Variants in RPL3L observed in about 807,000 individuals in gnomAD.
RPL3L encodes ribosomal protein L3 like.
A neutral mutation model predicts 44.5 loss-of-function variants in RPL3L; 44 were observed. The ratio of observed to expected loss-of-function variants is 0.99; its 90% CI spans 0.78 to 1.27. RPL3L has a LOEUF of 1.27. Ranked by LOEUF, RPL3L falls within the 50% of genes most tolerant of loss-of-function variation. The pLI is 0.00. For synonymous variants in RPL3L, 292 were observed against 230.7 expected, an observed-to-expected ratio of 1.27 and a Z score of -2.41; for missense variants, 631 against 569.1, an observed-to-expected ratio of 1.11 and a Z score of -1.11.
Position 1,954,160 on chromosome 16 carries a change from G to A in RPL3L, c.4-12C>T. 1 of 1,559,440 alleles carries A rather than the reference G, an allele frequency of 6.4e-7. No homozygotes were observed. ...AACTTCCGGTGGGACTGGGGGGCAG[G>A]AAGGAAGGAGGTCAGACCTGGGGTG... On this transcript the variant is annotated splice_polypyrimidine_tract_variant and intron_variant, in intron 1 of 9. Coordinates refer to ENST00000268661, the MANE Select transcript of RPL3L (RefSeq NM_005061.3).
rs764717997 is a variant in RPL3L at position 1,944,797 on chromosome 16, A to G, written c.*40T>C. The G allele has an allele frequency of 1.2e-6, 2 of 1,613,442 alleles. No homozygotes were observed. Among genetic ancestry groups the G allele is most frequent in the Non-Finnish European group, 1.7e-6 (2 of 1,179,514 alleles). ...CGGCCTTTGTTAGACATTGGGGCAG[A>G]CAGTGCGGTGCGCTTCAGGGTTCAT... is the stretch of plus-strand genomic sequence containing the variant. On this transcript the variant is annotated 3_prime_UTR_variant, in exon 10 of 10. Coordinates refer to ENST00000268661, the MANE Select transcript of RPL3L (RefSeq NM_005061.3).
At chr16:1,953,711 C>T (rs982884257) in intron 2 of RPL3L, among the ~76,000 whole-genome samples, 11 of 152,212 alleles carry the variant, frequency 7.2e-5, no homozygotes, top group African/African-American at 1.9e-4. Flanking sequence ...CTGCGCTTAC[C>T]GCCCCGGTGA....
At chr16:1,947,408 A>G in intron 4 of RPL3L, 28 bp from the exon 5 acceptor site, 8 of 1,518,286 alleles carry the variant, frequency 5.3e-6, no homozygotes, top group Non-Finnish European at 7.0e-6. Flanking sequence ...AGGTCACGCC[A>G]CGGCCCACGG....
intron 3 of RPL3L, 93 bp from the exon 4 acceptor site, chr16:1,951,072 A>G (rs2083169053): frequency 1.3e-6 from 2 of 1,521,004 alleles, no homozygotes; most frequent in Non-Finnish European, 1.8e-6. Context: ...CCCACCAAGC[A>G]GGGGTCCTAC....
chr16:1,954,684 T>A lies in RPL3L; in HGVS notation c.-53A>T, dbSNP rs568165624. Reference sequence around the variant, plus strand: ...GGGCCTCGCCGCTAGCCGCCAGAGGTCGAGTGGCAGGGCCAGGACTCACAG... The same window carrying A: ...GGGCCTCGCCGCTAGCCGCCAGAGGACGAGTGGCAGGGCCAGGACTCACAG... On this transcript the variant is annotated 5_prime_UTR_variant, in exon 1 of 10. Coordinates refer to ENST00000268661, the MANE Select transcript of RPL3L (RefSeq NM_005061.3). 5.3e-5 allele frequency: 78 copies of A among 1,482,330 alleles called. 1 individual carries two copies. The highest frequency in any genetic ancestry group is 4.5e-6 in the Non-Finnish European group (5 of 1,114,196). 91.8% of individuals were successfully genotyped at this position (1,482,330 alleles called of 1,614,324 possible).
At chr16:1,944,997 C>CA in intron 9 of RPL3L, 104 bp from the exon 10 acceptor site, 4 of 1,408,854 alleles carry the variant, frequency 2.8e-6, no homozygotes, top group Non-Finnish European at 4.0e-6. Flanking sequence ...TACTGCCCCC[C>CA]TAAGGCTGCT....
At position 1,946,841 on chromosome 16, in the gene RPL3L, C is replaced by T. The variant is rs535829664; in HGVS notation, c.849+97G>A. On this transcript the variant is annotated intron_variant, in intron 6 of 9. Coordinates refer to ENST00000268661, the MANE Select transcript of RPL3L (RefSeq NM_005061.3). ...GTGCTGGTGGGGGCATCTTGTGTCCCCGGCAGTGTCTGGGTCATGCACCCC... is the reference window on the plus strand; with the variant it reads ...GTGCTGGTGGGGGCATCTTGTGTCCTCGGCAGTGTCTGGGTCATGCACCCC... 4 of 1,562,806 alleles carry T rather than the reference C, an allele frequency of 2.6e-6. No individual in the cohort carries two copies. The East Asian group carries it at 6.8e-5, about 26-fold the overall frequency.
In RPL3L at chr16:1,953,948, T is replaced by C. The variant is rs1015724507; in HGVS notation, c.196+8A>G. 1 of 1,512,444 alleles carries C rather than the reference T, an allele frequency of 6.6e-7. No individual in the cohort carries two copies. The highest frequency in any genetic ancestry group is 1.4e-5 in the African/African-American group (1 of 71,544). The allele number at this position is 1,512,444 out of a possible 1,614,324, so 93.7% of individuals were successfully genotyped here. A position where few individuals can be genotyped will look rare whatever the true frequency, so the allele number is the denominator to read the frequency against. On this transcript the variant is annotated splice_region_variant and intron_variant, in intron 2 of 9. Transcript: ENST00000268661. ...CCCCCTCCCCCAAGGGTCCCAACTG[T>C]GACTCACTGAGCCCCGGCCGGTGCA...
intron 3 of RPL3L, among the ~76,000 whole-genome samples, chr16:1,951,452 G>A (rs1459425636): frequency 6.6e-6 from 1 of 151,996 alleles, no homozygotes; most frequent in Non-Finnish European, 1.5e-5. Context: ...CACAAACACA[G>A]CTCACTGCAG....
At chr16:1,948,384 C>T (rs1297897949) in intron 4 of RPL3L, among the ~76,000 whole-genome samples, 2 of 151,792 alleles carry the variant, frequency 1.3e-5, no homozygotes, top group Non-Finnish European at 2.9e-5. Flanking sequence ...CCACCATGCC[C>T]GGCTAATTTT....
At chr16:1,952,167 C>T (rs1275000081) in intron 3 of RPL3L, among the ~76,000 whole-genome samples, 1 of 150,888 alleles carries the variant, frequency 6.6e-6, no homozygotes. Context: ...CGGGTTTTCA[C>T]CATGTTGGCC....
At chr16:1,951,509 T>G (rs2083171647) in intron 3 of RPL3L, among the ~76,000 whole-genome samples, 1 of 152,130 alleles carries the variant, frequency 6.6e-6, no homozygotes, top group Admixed American at 6.6e-5. Flanking sequence ...ACCCCCCATG[T>G]AGCTGAGACC....
In RPL3L at chr16:1,952,916, T is replaced by G. The variant is rs1263320255; in HGVS notation, c.323A>C (p.Glu108Ala). 2.5e-6 allele frequency: 4 copies of G among 1,613,922 alleles called. No homozygotes were observed. The change falls in exon 3 of 10, where the codon GAA becomes GCA. Residue 108 changes from glutamate (E) to alanine (A), a missense_variant. Glu to Ala is a moderately radical substitution (Grantham distance 107). Coordinates refer to ENST00000268661, the MANE Select transcript of RPL3L (RefSeq NM_005061.3). ...GLRSFKTIFA[E>A]HLSDECRRRF... ...GCGCCGGCACTCATCACTGAGGTGT[T>G]CTGCAAAGATGGTCTTGAAGCTCCG...
In RPL3L at chr16:1,953,867, C is replaced by T. The variant is rs1411339976; in HGVS notation, c.196+89G>A. The T allele has an allele frequency of 4.6e-6, 6 of 1,309,362 alleles. No homozygotes were observed. The African/African-American group carries it at 6.1e-5, about 13-fold the overall frequency. 81.1% of individuals were successfully genotyped at this position (1,309,362 alleles called of 1,614,324 possible). On this transcript the variant is annotated intron_variant, in intron 2 of 9. Coordinates refer to ENST00000268661, the MANE Select transcript of RPL3L (RefSeq NM_005061.3). ...GCCTGGTGCTCCCTGGGACTGTGGC[C>T]CTGTCTGGACCAAAAGCGTGAGTTC...
chr16:1,949,238 ATTTTTGTTTTTTTTTTTTTTCTTT>A (rs1339161807), intron 4 of RPL3L, among the ~76,000 whole-genome samples: 2 of 80,086 alleles, frequency 2.5e-5, no homozygotes, highest in African/African-American at 9.8e-5. Context: ...ACTGGGCCTG[ATTTTTGTTTTTTTTTTTTTTCTTT>A]TTTTTTTTTT....
In RPL3L at chr16:1,947,243, CTG is replaced by C. The variant is rs765808313; in HGVS notation, c.637_638del (p.Gln213GlufsTer2). ...KQVPVHSVFS[Q>X]SEVIDVIAVT... ...CAGCAATGACATCAATGACCTCACT[CTG>C]GCTGAACACGCTGTGCACGGGCACC... On this transcript the variant is annotated frameshift_variant, in exon 5 of 10. Transcript: ENST00000268661. LOFTEE classifies it high-confidence loss of function. 10 of 1,613,504 alleles carry C rather than the reference CTG, an allele frequency of 6.2e-6. No individual in the cohort carries two copies. Among genetic ancestry groups the C allele is most frequent in the Non-Finnish European group, 7.6e-6 (9 of 1,179,786 alleles).
chr16:1,945,228 G>A (rs2150860314), intron 9 of RPL3L, among the ~76,000 whole-genome samples: 1 of 152,156 alleles, frequency 6.6e-6, no homozygotes, highest in African/African-American at 2.4e-5. Context: ...GGTGGCACGT[G>A]CCTGTAGTAC....
At chr16:1,951,767 T>TTAG (rs2083173613) in intron 3 of RPL3L, among the ~76,000 whole-genome samples, 1 of 147,178 alleles carries the variant, frequency 6.8e-6, no homozygotes, top group Non-Finnish European at 1.5e-5. Context: ...ATTATTATTA[T>TTAG]TATTCCCATT....
At chr16:1,950,606 G>A (rs1236516224) in intron 4 of RPL3L, among the ~76,000 whole-genome samples, 1 of 152,176 alleles carries the variant, frequency 6.6e-6, no homozygotes, top group Non-Finnish European at 1.5e-5. Flanking sequence ...TTCAGGGCGT[G>A]CCAGGGTCTT....
Sources: gnomAD v4.1 joint callset for allele counts (sites outside exome capture counted in the v4.1 genomes callset) on GRCh38, gnomAD v4.1.1 for gene constraint, MANE v1.5 for transcripts, NCBI Gene and HGNC (gene_info 2026-07-23, HGNC 2026-07-21) for gene names.